The following FBXO28 variants were observed in gnomAD, a reference collection of about 807,000 sequenced individuals.
FBXO28 encodes the protein F-box protein 28.
Under a neutral mutation model 38.1 loss-of-function variants are expected in FBXO28, and 8 were observed. The ratio of observed to expected loss-of-function variants is 0.21; its 90% CI spans 0.12 to 0.38. The LOEUF is 0.38. Ranked by LOEUF, FBXO28 falls within the 10% of genes least tolerant of loss-of-function variation. FBXO28 has a pLI of 1.00. For missense variants in FBXO28, 345 were observed against 460.6 expected, an observed-to-expected ratio of 0.75 and a Z score of 2.30; for synonymous variants, 168 against 173.8, an observed-to-expected ratio of 0.97 and a Z score of 0.26.
chr1:224,147,251 C>T (rs1657530969), intron 3 of FBXO28, among the ~76,000 whole-genome samples: 1 of 151,180 alleles, frequency 6.6e-6, no homozygotes, highest in Non-Finnish European at 1.5e-5. Flanking sequence ...GGTGAACCCG[C>T]ATCTCTACTA....
intron 2 of FBXO28, among the ~76,000 whole-genome samples, chr1:224,132,527 C>T (rs1332375182): frequency 2.0e-5 from 3 of 151,982 alleles, no homozygotes; most frequent in Admixed American, 1.3e-4. Flanking sequence ...GTTCTCAGGC[C>T]GGATGTGATG....
At chr1:224,141,595 T>G (rs1471616692) in intron 3 of FBXO28, among the ~76,000 whole-genome samples, 4 of 152,234 alleles carry the variant, frequency 2.6e-5, no homozygotes, top group Non-Finnish European at 4.4e-5. Flanking sequence ...CAAACCTAGA[T>G]GGTTCTTACA....
rs1184292702 is a variant in FBXO28 at position 224,159,958 on chromosome 1, C to G, written c.*2212C>G. 1 of 152,050 alleles carries G rather than the reference C, an allele frequency of 6.6e-6. No homozygotes were observed. Among genetic ancestry groups the G allele is most frequent in the East Asian group, 1.9e-4 (1 of 5,206 alleles). 9.4% of individuals were successfully genotyped at this position (152,050 alleles called of 1,614,324 possible). A position where few individuals can be genotyped will look rare whatever the true frequency, so the allele number is the denominator to read the frequency against. ...CAAGGTAAATTTTCTATTACAAAAT[C>G]CAAATTTCTATTGCATACACTTATA... On this transcript the variant is annotated 3_prime_UTR_variant, in exon 5 of 5. Transcript: ENST00000366862.
At chr1:224,133,076 A>G (rs1235281785) in intron 2 of FBXO28, among the ~76,000 whole-genome samples, 2 of 152,246 alleles carry the variant, frequency 1.3e-5, no homozygotes, top group Non-Finnish European at 2.9e-5. Context: ...ACATGCTACA[A>G]CAAGAATGAA....
intron 3 of FBXO28, among the ~76,000 whole-genome samples, chr1:224,135,633 AAAG>A (rs1187993055): frequency 7.6e-5 from 11 of 144,770 alleles, no homozygotes; most frequent in African/African-American, 1.8e-4. Flanking sequence ...AAAAAAAAAA[AAAG>A]AAAAAGAAAA....
rs1482274533 is a variant in FBXO28 at position 224,114,167 on chromosome 1, G to T, written c.38G>T (p.Gly13Val). The change falls in exon 1 of 5, where the codon GGA becomes GTA. Residue 13 changes from glycine (G) to valine (V), a missense_variant. Transcript: ENST00000366862. Reference protein sequence around the residue: ...AAAEERMAEEGGGGQGDGGSS... With the variant: ...AAAEERMAEEVGGGQGDGGSS... Reference sequence around the variant, plus strand: ...GCGGAGGAGCGGATGGCAGAGGAAGGAGGCGGCGGCCAAGGCGACGGCGGT... The same window carrying T: ...GCGGAGGAGCGGATGGCAGAGGAAGTAGGCGGCGGCCAAGGCGACGGCGGT... 6.5e-7 allele frequency: 1 copy of T among 1,546,808 alleles called. No homozygotes were observed.
chr1:224,158,289 A>G lies in FBXO28; in HGVS notation c.*543A>G. ...ACTAAAATGGACTTCCATAGTATTG[A>G]CTGTAGAAGGAGCCTCTACAATATT... On this transcript the variant is annotated 3_prime_UTR_variant, in exon 5 of 5. Transcript: ENST00000366862. 1 of 884,372 alleles carries G rather than the reference A, an allele frequency of 1.1e-6. No individual in the cohort carries two copies. Among genetic ancestry groups the G allele is most frequent in the Non-Finnish European group, 1.4e-6 (1 of 737,692 alleles). 54.8% of individuals were successfully genotyped at this position (884,372 alleles called of 1,614,324 possible).
chr1:224,114,163 G>GAAGGAGGCGGCGGCC lies in FBXO28; in HGVS notation c.39_53dup (p.Gly14_Gly18dup). The GAAGGAGGCGGCGGCC allele has an allele frequency of 6.5e-7, 1 of 1,546,646 alleles. No homozygotes were observed. Among genetic ancestry groups the GAAGGAGGCGGCGGCC allele is most frequent in the Non-Finnish European group, 8.7e-7 (1 of 1,145,544 alleles). On this transcript the variant is annotated inframe_insertion, in exon 1 of 5. Transcript: ENST00000366862. ...AGCGGCGGAGGAGCGGATGGCAGAG[G>GAAGGAGGCGGCGGCC]AAGGAGGCGGCGGCCAAGGCGACGG... is the stretch of plus-strand genomic sequence containing the variant.
chr1:224,141,026 T>A lies in FBXO28; in HGVS notation c.516+6814T>A, dbSNP rs543811693. Among the ~76,000 whole-genome samples the A allele has an allele frequency of 2.3e-3, 339 of 149,516 alleles. 3 individuals are homozygous for A. The highest frequency in any genetic ancestry group is 7.8e-3 in the African/African-American group (316 of 40,576). On this transcript the variant is annotated intron_variant, in intron 3 of 4. Coordinates refer to ENST00000366862, the MANE Select transcript of FBXO28 (RefSeq NM_015176.4). ...GGTGAAACCCTTTCTCTACTAAAAA[T>A]GCAAAATTAGCCAAGTGTAGTGGCA...
intron 3 of FBXO28, among the ~76,000 whole-genome samples, chr1:224,139,764 G>A (rs61827703): frequency 5.5e-4 from 80 of 146,046 alleles, no homozygotes; most frequent in Middle Eastern, 6.8e-3. Flanking sequence ...ATGCATGCAT[G>A]CATACATACA....
Position 224,120,876 on chromosome 1 carries a change from A to G in FBXO28, c.267+6480A>G, listed in dbSNP as rs1044694524. 3.2e-3 allele frequency among the ~76,000 whole-genome samples: 430 copies of G among 134,216 alleles called. 1 individual carries two copies. The highest frequency in any genetic ancestry group is 0.015 in the African/African-American group (404 of 26,126). 88.1% of individuals were successfully genotyped at this position (134,216 alleles called of 152,430 possible). A position where few individuals can be genotyped will look rare whatever the true frequency, so the allele number is the denominator to read the frequency against. On this transcript the variant is annotated intron_variant, in intron 1 of 4. Transcript: ENST00000366862. ...GAAACTCCATCTCAAAAAAAAAAAA[A>G]AAAGAAAGAAAGAAAAGAAAATGTA...
rs746644134 is a variant in FBXO28 at position 224,114,315 on chromosome 1, C to T, written c.186C>T (p.Asn62=). 8.8e-5 allele frequency: 139 copies of T among 1,578,620 alleles called. 1 individual carries two copies. The highest frequency in any genetic ancestry group is 5.2e-6 in the Non-Finnish European group (6 of 1,162,080). The stretch of plus-strand genomic sequence containing the variant: ...CTCCGGACCAGCTGCCTCAAAACAA[C>T]ACGCTTGTGGCGCTGCCCATCGTAG... ...ALAPDQLPQN[N]TLVALPIVAI... The change falls in exon 1 of 5, where the codon AAC becomes AAT. Residue 62 remains asparagine (N), a synonymous_variant. Transcript: ENST00000366862.
chr1:224,147,795 C>G (rs997296), intron 3 of FBXO28, among the ~76,000 whole-genome samples: 75,679 of 145,270 alleles, frequency 0.52, 20,297 homozygotes, highest in South Asian at 0.61. Context: ...CCTCAAAACT[C>G]ATACCATTAC....
chr1:224,147,718 G>A (rs1459515183), intron 3 of FBXO28, among the ~76,000 whole-genome samples: 2 of 150,744 alleles, frequency 1.3e-5, no homozygotes, highest in Non-Finnish European at 2.9e-5. Flanking sequence ...TATATCATTT[G>A]AAAGGTGTAG....
At chr1:224,129,422 T>C (rs1656983713) in intron 1 of FBXO28, among the ~76,000 whole-genome samples, 1 of 152,228 alleles carries the variant, frequency 6.6e-6, no homozygotes, top group South Asian at 2.1e-4. Flanking sequence ...GCCAGATCAC[T>C]AGAAGAAATA....
At chr1:224,135,611 C>CAAAAAAAAAAAAAAAA (rs71168313) in intron 3 of FBXO28, among the ~76,000 whole-genome samples, 8 of 110,748 alleles carry the variant, frequency 7.2e-5, no homozygotes, top group South Asian at 2.9e-4. Flanking sequence ...GACTCTGTCT[C>CAAAAAAAAAAAAAAAA]AAAAAAAAAA....
In FBXO28 at chr1:224,138,997, A is replaced by G. The variant is rs140016913; in HGVS notation, c.516+4785A>G. 3.1e-4 allele frequency among the ~76,000 whole-genome samples: 47 copies of G among 151,724 alleles called. 1 individual carries two copies. The East Asian group carries it at 5.6e-3, about 18-fold the overall frequency. ...ACGGGGTTTGACCGTGTTAGCCAGG[A>G]TGGCCTCAATCTCCTGACCTTGTGA... On this transcript the variant is annotated intron_variant, in intron 3 of 4. Transcript: ENST00000366862.
At chr1:224,128,794 TG>T (rs1368612914) in intron 1 of FBXO28, among the ~76,000 whole-genome samples, 8 of 151,982 alleles carry the variant, frequency 5.3e-5, no homozygotes, top group African/African-American at 1.9e-4. Flanking sequence ...AAGACCAGCC[TG>T]GGCAACATAG....
At chr1:224,149,637 AG>A (rs1657593909) in intron 3 of FBXO28, among the ~76,000 whole-genome samples, 3 of 2,626 alleles carry the variant, frequency 1.1e-3, no homozygotes, top group East Asian at 0.33. Context: ...AGATGCTGCT[AG>A]GCTCTGGGGA....
Sources: gnomAD v4.1 joint callset for allele counts (sites outside exome capture counted in the v4.1 genomes callset) on GRCh38, gnomAD v4.1.1 for gene constraint, MANE v1.5 for transcripts, NCBI Gene and HGNC (gene_info 2026-07-23, HGNC 2026-07-21) for gene names.